Variants in LINGO2 observed in about 807,000 individuals in gnomAD.
LINGO2 encodes leucine-rich repeat and immunoglobulin-like domain-containing nogo receptor-interacting protein 2.
A neutral mutation model predicts 30.6 loss-of-function variants in LINGO2; 14 were observed. The observed-to-expected ratio is 0.46, with a 90% CI of 0.30 to 0.72. The LOEUF is 0.72. Among genes scored for constraint, LINGO2 ranks in the 30% least tolerant of loss-of-function variants. LINGO2 has a pLI of 0.07. For synonymous variants in LINGO2, 317 were observed against 288.5 expected (o/e 1.10, Z -1.00); for missense variants, 729 against 751.7 (o/e 0.97, Z 0.35).
At chr9:28,724,359 A>G in the LINGO2 span, among the ~76,000 whole-genome samples, 122 of 152,280 alleles carry the variant, frequency 8.0e-4, no homozygotes, top group Non-Finnish European at 1.4e-3. Flanking sequence ...CAAGGGAAAT[A>G]TTGATCAATT....
chr9:28,308,995 T>C (rs1824492115), intron 3 of LINGO2, among the ~76,000 whole-genome samples: 2 of 152,090 alleles, frequency 1.3e-5, no homozygotes, highest in Admixed American at 1.3e-4. Context: ...GACTGTAAAC[T>C]AGTTCAACCA....
chr9:28,198,029 G>T (rs1820075771), intron 4 of LINGO2, among the ~76,000 whole-genome samples: 1 of 151,176 alleles, frequency 6.6e-6, no homozygotes, highest in African/African-American at 2.4e-5. Flanking sequence ...AGGGAAAATT[G>T]GTTAAAACTC....
chr9:28,696,675 T>A, the LINGO2 span, among the ~76,000 whole-genome samples: 1 of 151,862 alleles, frequency 6.6e-6, no homozygotes, highest in Admixed American at 6.6e-5. Flanking sequence ...AATCCATGCA[T>A]AGTCAGAGAT....
At chr9:28,802,001 T>A in the LINGO2 span, among the ~76,000 whole-genome samples, 2,632 of 151,928 alleles carry the variant, frequency 0.017, 73 homozygotes, top group African/African-American at 0.061. Context: ...CTTTTCTATA[T>A]ATATATGATA....
intron 5 of LINGO2, among the ~76,000 whole-genome samples, chr9:27,982,875 G>T (rs1820947806): frequency 6.6e-6 from 1 of 151,618 alleles, no homozygotes; most frequent in African/African-American, 2.4e-5. Flanking sequence ...GAGTTAATGA[G>T]AAAAATGTAT....
chr9:29,073,715 C>G, the LINGO2 span, among the ~76,000 whole-genome samples: 191 of 152,234 alleles, frequency 1.3e-3, no homozygotes, highest in African/African-American at 4.3e-3. Context: ...AAAAGAGATT[C>G]CAACTCTTAG....
upstream of LINGO2, among the ~76,000 whole-genome samples, chr9:28,671,897 G>A (rs78906955): frequency 8.3e-4 from 126 of 152,122 alleles, 4 homozygotes; most frequent in East Asian, 0.022. Flanking sequence ...AGTCATATAA[G>A]TTCATGCTTT....
At chr9:28,525,089 G>T (rs981156845) in intron 1 of LINGO2, among the ~76,000 whole-genome samples, 1 of 151,910 alleles carries the variant, frequency 6.6e-6, no homozygotes, top group Non-Finnish European at 1.5e-5. Flanking sequence ...TATGAATCAC[G>T]AAAAAGGACA....
chr9:28,853,655 G>A, the LINGO2 span, among the ~76,000 whole-genome samples: 8 of 151,988 alleles, frequency 5.3e-5, no homozygotes, highest in Admixed American at 2.0e-4. Flanking sequence ...CAGTCATGGT[G>A]AAAGGGGAAG....
intron 5 of LINGO2, among the ~76,000 whole-genome samples, chr9:27,990,055 T>C (rs1821317652): frequency 6.6e-6 from 1 of 152,074 alleles, no homozygotes; most frequent in Non-Finnish European, 1.5e-5. Context: ...TAAGCAATCA[T>C]TCCTTTGAAT....
At chr9:28,450,412 C>A (rs554088477) in intron 2 of LINGO2, among the ~76,000 whole-genome samples, 3 of 152,156 alleles carry the variant, frequency 2.0e-5, no homozygotes, top group African/African-American at 7.2e-5. Flanking sequence ...AAAGAGTGGG[C>A]TTTTGAGCTG....
At chr9:28,247,658 C>T (rs1305127905) in intron 4 of LINGO2, among the ~76,000 whole-genome samples, 5 of 151,988 alleles carry the variant, frequency 3.3e-5, no homozygotes, top group South Asian at 2.1e-4. Context: ...AGGTTTAAAA[C>T]CTAGGTGATG....
chr9:29,104,229 A>G, the LINGO2 span, among the ~76,000 whole-genome samples: 1 of 152,146 alleles, frequency 6.6e-6, no homozygotes, highest in Non-Finnish European at 1.5e-5. Context: ...TTGAATTGTA[A>G]TAGCCAGTGT....
Position 28,505,730 on chromosome 9 carries a change from A to G in LINGO2, c.-364-29705T>C, listed in dbSNP as rs531177102. 3.9e-5 allele frequency among the ~76,000 whole-genome samples: 6 copies of G among 151,978 alleles called. No homozygotes were observed. In the South Asian group the frequency reaches 1.2e-3, roughly 32 times the overall value. On this transcript the variant is annotated intron_variant, in intron 1 of 5. Transcript: ENST00000379992. ...ACTAATGCATAACCTGCATTTGTAA[A>G]CCCTAATTCCGAGGCTATCATTAGT...
In LINGO2 at chr9:28,587,287, T is replaced by C. The variant is rs76315014; in HGVS notation, c.-365+82913A>G. ...TGAAATTCTGAAGCAATACTGCAGG[T>C]ACCATTCCTATGCCCTCATATTCAG... On this transcript the variant is annotated intron_variant, in intron 1 of 5. Coordinates refer to ENST00000379992, the Ensembl canonical transcript of LINGO2. Among the ~76,000 whole-genome samples the C allele has an allele frequency of 8.5e-3, 1,291 of 152,138 alleles. 28 individuals carry two copies. The highest frequency in any genetic ancestry group is 0.055 in the East Asian group (285 of 5,140).
rs150187487 is a variant in LINGO2, at chr9:28,412,840, G to A, written c.-278-39972C>T. Among the ~76,000 whole-genome samples the A allele has an allele frequency of 5.9e-5, 9 of 151,972 alleles. No homozygotes were observed. In the East Asian group the frequency reaches 1.4e-3, roughly 23 times the overall value. On this transcript the variant is annotated intron_variant, in intron 2 of 5. Coordinates refer to ENST00000379992, the Ensembl canonical transcript of LINGO2. ...CCCTTGAGCAATATAGGTTTAAATT[G>A]CCTTGGTCTAACTTTATGCAGATTT... is the stretch of plus-strand genomic sequence containing the variant.
At chr9:29,079,741 G>A in the LINGO2 span, among the ~76,000 whole-genome samples, 2 of 151,724 alleles carry the variant, frequency 1.3e-5, no homozygotes, top group Non-Finnish European at 2.9e-5. Context: ...CAAAATGAAA[G>A]GACATATGGT....
At chr9:28,737,569 G>A in the LINGO2 span, among the ~76,000 whole-genome samples, 1 of 152,090 alleles carries the variant, frequency 6.6e-6, no homozygotes, top group Non-Finnish European at 1.5e-5. Flanking sequence ...CTAAAGCACG[G>A]CAGAGCAAGT....
chr9:28,872,496 G>A, the LINGO2 span, among the ~76,000 whole-genome samples: 1 of 152,160 alleles, frequency 6.6e-6, no homozygotes, highest in South Asian at 2.1e-4. Flanking sequence ...TTTTAGATGT[G>A]ATGGCAAATT....
Sources: allele counts gnomAD v4.1 joint callset (sites outside exome capture counted in the v4.1 genomes callset), GRCh38; gene constraint gnomAD v4.1.1; transcripts MANE v1.5; gene names NCBI Gene and HGNC (gene_info 2026-07-23, HGNC 2026-07-21).